NUBPL: variants seen among roughly 807,000 people sequenced by gnomAD.
The protein encoded by NUBPL is iron-sulfur cluster transfer protein NUBPL.
Under a neutral mutation model 45.7 loss-of-function variants are expected in NUBPL, and 31 were observed. The observed-to-expected ratio is 0.68, with a 90% CI of 0.51 to 0.92. NUBPL has a LOEUF of 0.92. NUBPL is among the 40% of genes least tolerant of loss of function. NUBPL has a pLI of 0.00. For missense variants in NUBPL, 401 were observed against 398.7 expected, an observed-to-expected ratio of 1.01 and a Z score of -0.05; for synonymous variants, 144 against 140.9, an observed-to-expected ratio of 1.02 and a Z score of -0.15.
At chr14:31,601,728 G>A (rs2034439314) in intron 4 of NUBPL, among the ~76,000 whole-genome samples, 1 of 152,146 alleles carries the variant, frequency 6.6e-6, no homozygotes, top group African/African-American at 2.4e-5. Flanking sequence ...TCATTAAAAA[G>A]TCAGGAAACA....
At chr14:31,787,389 A>C (rs561298718) in intron 6 of NUBPL, among the ~76,000 whole-genome samples, 1 of 152,222 alleles carries the variant, frequency 6.6e-6, no homozygotes, top group African/African-American at 2.4e-5. Flanking sequence ...AATAAACTTA[A>C]AAAAATTATA....
At chr14:31,705,826 C>G (rs1304955132) in intron 6 of NUBPL, among the ~76,000 whole-genome samples, 1 of 152,214 alleles carries the variant, frequency 6.6e-6, no homozygotes, top group Non-Finnish European at 1.5e-5. Flanking sequence ...CCCGGGCACT[C>G]TGGCAGCCCA....
intron 6 of NUBPL, among the ~76,000 whole-genome samples, chr14:31,721,554 C>T (rs2037808300): frequency 6.6e-6 from 1 of 151,418 alleles, no homozygotes; most frequent in African/African-American, 2.4e-5. Flanking sequence ...AAGTAGCTTT[C>T]ATAAGGTCAC....
chr14:31,621,202 T>A (rs1158678330), intron 4 of NUBPL, among the ~76,000 whole-genome samples: 2 of 152,162 alleles, frequency 1.3e-5, no homozygotes, highest in African/African-American at 2.4e-5. Context: ...AGCCAGTGGA[T>A]CTTAGCTTGC....
intron 7 of NUBPL, chr14:31,800,875 A>T (rs7156907): frequency 6.6e-6 from 1 of 152,142 alleles, no homozygotes; most frequent in South Asian, 2.1e-4. Flanking sequence ...AAAGTGCTGT[A>T]TTAGTCAGAG....
At chr14:31,632,697 CAG>C (rs1221782201) in intron 4 of NUBPL, among the ~76,000 whole-genome samples, 13 of 152,142 alleles carry the variant, frequency 8.5e-5, no homozygotes, top group African/African-American at 3.1e-4. Flanking sequence ...TTAAATTATC[CAG>C]AGTTGTTTAA....
At chr14:31,805,356 G>A (rs1027494510) in intron 7 of NUBPL, among the ~76,000 whole-genome samples, 1 of 152,224 alleles carries the variant, frequency 6.6e-6, no homozygotes, top group African/African-American at 2.4e-5. Flanking sequence ...AAGCAGTATG[G>A]TGATTCCTCA....
At chr14:31,680,621 G>T (rs2036809749) in intron 6 of NUBPL, among the ~76,000 whole-genome samples, 1 of 151,984 alleles carries the variant, frequency 6.6e-6, no homozygotes, top group Non-Finnish European at 1.5e-5. Context: ...ATCTGTGGGG[G>T]ATTGGTTCCA....
intron 6 of NUBPL, among the ~76,000 whole-genome samples, chr14:31,746,290 A>G (rs1239819598): frequency 6.6e-6 from 1 of 151,974 alleles, no homozygotes; most frequent in Non-Finnish European, 1.5e-5. Flanking sequence ...AAAGATTTCA[A>G]CTTTTCCTCA....
At chr14:31,848,233 T>C (rs1022890684) in intron 9 of NUBPL, among the ~76,000 whole-genome samples, 3 of 152,198 alleles carry the variant, frequency 2.0e-5, no homozygotes, top group African/African-American at 7.2e-5. Flanking sequence ...AATTCCTCGT[T>C]AGGGCACGTC....
intron 8 of NUBPL, among the ~76,000 whole-genome samples, chr14:31,835,376 G>A (rs2040265153): frequency 6.6e-6 from 1 of 152,080 alleles, no homozygotes; most frequent in Admixed American, 6.5e-5. Context: ...TTTGAATTTT[G>A]GCTTTGTCAT....
intron 6 of NUBPL, among the ~76,000 whole-genome samples, chr14:31,713,690 T>C (rs2037626680): frequency 6.6e-6 from 1 of 152,206 alleles, no homozygotes; most frequent in Admixed American, 6.5e-5. Flanking sequence ...TCTCTCTTGC[T>C]TAGAAACCTG....
intron 4 of NUBPL, among the ~76,000 whole-genome samples, chr14:31,666,256 T>TGTAG (rs2036416758): frequency 1.8e-4 from 9 of 50,312 alleles, no homozygotes; most frequent in Admixed American, 8.0e-4. Flanking sequence ...TATATATATA[T>TGTAG]ATATATAATT....
At chr14:31,830,024 C>T (rs1382550956) in intron 8 of NUBPL, among the ~76,000 whole-genome samples, 1 of 152,102 alleles carries the variant, frequency 6.6e-6, no homozygotes, top group East Asian at 1.9e-4. Flanking sequence ...GTCCCAGGCA[C>T]CCCGATCTGG....
intron 7 of NUBPL, among the ~76,000 whole-genome samples, chr14:31,795,155 T>C (rs1266765401): frequency 6.6e-6 from 1 of 150,536 alleles, no homozygotes; most frequent in Non-Finnish European, 1.5e-5. Context: ...TAGTTTGAAG[T>C]CAGGTAGTGT....
intron 6 of NUBPL, among the ~76,000 whole-genome samples, chr14:31,684,314 CT>C (rs535959155): frequency 4.6e-5 from 7 of 152,054 alleles, no homozygotes; most frequent in African/African-American, 7.2e-5. Context: ...TCTGGGTATA[CT>C]TTTTTTTCAC....
At chr14:31,750,298 T>C (rs946047131) in intron 6 of NUBPL, among the ~76,000 whole-genome samples, 6 of 150,170 alleles carry the variant, frequency 4.0e-5, no homozygotes, top group Non-Finnish European at 7.4e-5. Flanking sequence ...CCTCAGCCTC[T>C]CCGAGTAGCT....
intron 7 of NUBPL, among the ~76,000 whole-genome samples, chr14:31,810,170 C>G (rs935000263): frequency 6.6e-6 from 1 of 152,096 alleles, no homozygotes; most frequent in Admixed American, 6.6e-5. Context: ...CCTGGATATC[C>G]TTGTTAACCT....
chr14:31,685,450 G>A (rs1282941899), intron 6 of NUBPL, among the ~76,000 whole-genome samples: 2 of 152,012 alleles, frequency 1.3e-5, no homozygotes, highest in African/African-American at 4.8e-5. Flanking sequence ...GCTGGGTGAG[G>A]GAAAGGAAAG....
Sources: gnomAD v4.1 joint callset for allele counts (sites outside exome capture counted in the v4.1 genomes callset) on GRCh38, gnomAD v4.1.1 for gene constraint, MANE v1.5 for transcripts, NCBI Gene and HGNC (gene_info 2026-07-23, HGNC 2026-07-21) for gene names.